PBX4: variants seen among roughly 807,000 people sequenced by gnomAD.
PBX4 encodes the protein pre-B-cell leukemia transcription factor 4.
Under a neutral mutation model 35.1 loss-of-function variants are expected in PBX4, and 26 were observed. That is an observed-to-expected ratio of 0.74 (90% CI 0.54 to 1.03). The LOEUF is 1.03. Among genes scored for constraint, PBX4 ranks in the 50% least tolerant of loss-of-function variants. The pLI is 0.00. For synonymous variants in PBX4, 199 were observed against 204.2 expected (o/e 0.97, Z 0.22); for missense variants, 448 against 504.3 (o/e 0.89, Z 1.07).
chr19:19,607,758 C>A (rs1470248783), intron 1 of PBX4, among the ~76,000 whole-genome samples: 3 of 152,072 alleles, frequency 2.0e-5, no homozygotes, highest in African/African-American at 7.2e-5. Context: ...ATTTACTTTC[C>A]CAAATTATAG....
At chr19:19,579,449 A>C (rs572026947) in intron 2 of PBX4, among the ~76,000 whole-genome samples, 160 of 152,308 alleles carry the variant, frequency 1.1e-3, no homozygotes, top group Admixed American at 3.6e-3. Flanking sequence ...CCCAGGAACA[A>C]AGACGTGGGG....
At chr19:19,610,047 T>A (rs2061654711) in intron 1 of PBX4, among the ~76,000 whole-genome samples, 1 of 152,128 alleles carries the variant, frequency 6.6e-6, no homozygotes, top group South Asian at 2.1e-4. Context: ...TGGCTTTACT[T>A]TTCATTAATA....
At chr19:19,613,750 C>T (rs940465599) in intron 1 of PBX4, among the ~76,000 whole-genome samples, 1 of 152,180 alleles carries the variant, frequency 6.6e-6, no homozygotes, top group Non-Finnish European at 1.5e-5. Context: ...CCTCTAGAAT[C>T]TCCTCAGTGT....
In PBX4 at chr19:19,563,776, C is replaced by A; in HGVS notation, c.926-161G>T. 1 of 652,138 alleles carries A rather than the reference C, an allele frequency of 1.5e-6. No individual in the cohort carries two copies. The highest frequency in any genetic ancestry group is 2.3e-5 in the Admixed American group (1 of 43,172). 40.4% of individuals were successfully genotyped at this position (652,138 alleles called of 1,614,324 possible). On this transcript the variant is annotated intron_variant, in intron 6 of 7. Coordinates refer to ENST00000251203, the MANE Select transcript of PBX4 (RefSeq NM_025245.3). This position sits in a 1 kb window ranked among gnomAD's most constrained non-coding sequence, Gnocchi z 5.1. The stretch of plus-strand genomic sequence containing the variant: ...CCACCCAGGCAGGCCAGCGGGCCCT[C>A]CCCACCACACTACTCATGTCCCCTC...
rs746041669 is a variant in PBX4 at position 19,561,952 on chromosome 19, C to G, written c.*73G>C. Reference sequence around the variant, plus strand: ...GGGTTTTCTGAGGTCGTCGGCGGCACGTTCAGTAACAAAGCAACGGCTGGC... The same window carrying G: ...GGGTTTTCTGAGGTCGTCGGCGGCAGGTTCAGTAACAAAGCAACGGCTGGC... On this transcript the variant is annotated 3_prime_UTR_variant, in exon 8 of 8. Transcript: ENST00000251203. 1.2e-5 allele frequency: 16 copies of G among 1,345,376 alleles called. No homozygotes were observed. The highest frequency in any genetic ancestry group is 1.6e-5 in the Non-Finnish European group (16 of 975,354). The allele number at this position is 1,345,376 out of a possible 1,614,324, so 83.3% of individuals were successfully genotyped here. A position where few individuals can be genotyped will look rare whatever the true frequency, so the allele number is the denominator to read the frequency against.
chr19:19,616,293 G>A (rs921475289), intron 1 of PBX4, among the ~76,000 whole-genome samples: 17 of 152,014 alleles, frequency 1.1e-4, no homozygotes, highest in African/African-American at 4.1e-4. Context: ...TAAATAGTCC[G>A]AACTCCCTAT....
At chr19:19,599,445 G>T in intron 1 of PBX4, 80 bp from the exon 2 acceptor site, 1 of 1,295,922 alleles carries the variant, frequency 7.7e-7, no homozygotes, top group Non-Finnish European at 1.1e-6. Context: ...CTTCCATACT[G>T]AGAAATCAAA....
At chr19:19,569,702 G>C (rs996070107) in intron 4 of PBX4, 118 bp from the exon 5 acceptor site, 7 of 1,348,262 alleles carry the variant, frequency 5.2e-6, no homozygotes, top group Non-Finnish European at 7.0e-6. Flanking sequence ...TTGAGGTCAG[G>C]AGTTCGAGAC....
At chr19:19,606,043 G>GGGACT (rs2061629274) in intron 1 of PBX4, among the ~76,000 whole-genome samples, 1 of 152,086 alleles carries the variant, frequency 6.6e-6, no homozygotes, top group Admixed American at 6.6e-5. Context: ...TGAGGAAAAG[G>GGGACT]GGACTGACTA....
chr19:19,611,022 C>T (rs1043149790), intron 1 of PBX4, among the ~76,000 whole-genome samples: 17 of 152,300 alleles, frequency 1.1e-4, no homozygotes, highest in African/African-American at 4.1e-4. Flanking sequence ...ATCATAAATT[C>T]CCCCTAGAAC....
At chr19:19,570,959 C>A in intron 2 of PBX4, 126 bp from the exon 3 acceptor site, 1 of 1,267,952 alleles carries the variant, frequency 7.9e-7, no homozygotes. Flanking sequence ...GAAAGGAATA[C>A]TCCACTTTAT....
intron 1 of PBX4, among the ~76,000 whole-genome samples, chr19:19,613,416 C>A (rs1184071142): frequency 2.3e-5 from 3 of 133,144 alleles, no homozygotes; most frequent in African/African-American, 8.3e-5. Context: ...TGCAGTGAGC[C>A]AAGAACACGC....
chr19:19,582,272 C>G (rs549241961), intron 2 of PBX4, among the ~76,000 whole-genome samples: 2 of 152,314 alleles, frequency 1.3e-5, no homozygotes, highest in South Asian at 2.1e-4. Context: ...CCTGTGCCCT[C>G]GGACCTAAGT....
At chr19:19,579,297 C>T (rs1407017597) in intron 2 of PBX4, among the ~76,000 whole-genome samples, 10 of 150,990 alleles carry the variant, frequency 6.6e-5, no homozygotes, top group Admixed American at 6.0e-4. Flanking sequence ...TGCAGTGAGC[C>T]GGGATTAAGC....
intron 1 of PBX4, among the ~76,000 whole-genome samples, chr19:19,603,358 C>T (rs540720670): frequency 2.0e-5 from 3 of 151,936 alleles, no homozygotes; most frequent in Non-Finnish European, 4.4e-5. Flanking sequence ...ATTGCTCAGG[C>T]TGGAGTGCAG....
intron 2 of PBX4, among the ~76,000 whole-genome samples, chr19:19,571,995 T>C (rs2061386416): frequency 8.0e-6 from 1 of 124,282 alleles, no homozygotes; most frequent in Non-Finnish European, 1.6e-5. Flanking sequence ...ATCTTGCCAC[T>C]GCACTCCAGC....
At chr19:19,564,547 C>A (rs935385243) in intron 6 of PBX4, among the ~76,000 whole-genome samples, 12 of 152,082 alleles carry the variant, frequency 7.9e-5, no homozygotes, top group African/African-American at 2.7e-4. Context: ...GCACTGCACC[C>A]AGCCCATGCC....
chr19:19,588,451 G>T (rs2061504518), intron 2 of PBX4: 2 of 910,444 alleles, frequency 2.2e-6, no homozygotes, highest in South Asian at 1.3e-5. Context: ...CACAATTTTT[G>T]TATTTTTAGT....
At chr19:19,591,667 C>T (rs111478274) in intron 2 of PBX4, among the ~76,000 whole-genome samples, 2,380 of 152,254 alleles carry the variant, frequency 0.016, 80 homozygotes, top group South Asian at 0.077. Flanking sequence ...CACACCGCCT[C>T]GGAGCTGCCT....
Sources: gnomAD v4.1 joint callset for allele counts (sites outside exome capture counted in the v4.1 genomes callset) on GRCh38, gnomAD v4.1.1 for gene constraint, Gnocchi (gnomAD v3.1) non-coding constraint, MANE v1.5 for transcripts, NCBI Gene and HGNC (gene_info 2026-07-23, HGNC 2026-07-21) for gene names.